HOOK3: variants seen among roughly 807,000 people sequenced by gnomAD.
HOOK3 encodes hook microtubule tethering protein 3.
In HOOK3, 24 loss-of-function variants were observed where a neutral mutation model predicts 116.3. The ratio of observed to expected loss-of-function variants is 0.21; its 90% CI spans 0.15 to 0.29. The LOEUF is 0.29. Ranked by LOEUF, HOOK3 falls within the 10% of genes least tolerant of loss-of-function variation. The probability of loss-of-function intolerance (pLI) is 1.00; values close to 1 mark genes in which losing one functional copy is unlikely to be tolerated. For missense variants in HOOK3, 632 were observed against 830.2 expected, an observed-to-expected ratio of 0.76 and a Z score of 2.93; for synonymous variants, 275 against 283.0, an observed-to-expected ratio of 0.97 and a Z score of 0.28.
At chr8:43,017,758 G>A (rs530611057) in intron 21 of HOOK3, among the ~76,000 whole-genome samples, 2 of 152,274 alleles carry the variant, frequency 1.3e-5, no homozygotes, top group South Asian at 4.1e-4. Context: ...TCCAGCAGTT[G>A]CCTCCTCTCC....
At chr8:42,953,128 A>C (rs1326810719) in intron 6 of HOOK3, among the ~76,000 whole-genome samples, 1 of 152,160 alleles carries the variant, frequency 6.6e-6, no homozygotes, top group Non-Finnish European at 1.5e-5. Flanking sequence ...TATTCTAGAT[A>C]GTCATGGACC....
intron 6 of HOOK3, among the ~76,000 whole-genome samples, chr8:42,955,899 C>A (rs994484708): frequency 6.6e-6 from 1 of 152,120 alleles, no homozygotes; most frequent in Non-Finnish European, 1.5e-5. Context: ...GGTCTTGTTA[C>A]ATCGCCCAGG....
intron 13 of HOOK3, among the ~76,000 whole-genome samples, chr8:42,980,840 C>T (rs184846519): frequency 6.6e-6 from 1 of 151,800 alleles, no homozygotes; most frequent in Non-Finnish European, 1.5e-5. Flanking sequence ...GCCGAGATCG[C>T]GCCACTGCAC....
intron 8 of HOOK3, among the ~76,000 whole-genome samples, chr8:42,962,058 A>G (rs1586611302): frequency 1.3e-5 from 2 of 151,626 alleles, no homozygotes; most frequent in South Asian, 2.1e-4. Context: ...AAGTGCTGGG[A>G]TTACAGGTGT....
chr8:42,993,850 G>A (rs888068462), intron 15 of HOOK3, among the ~76,000 whole-genome samples: 15 of 151,632 alleles, frequency 9.9e-5, no homozygotes, highest in African/African-American at 2.9e-4. Context: ...GTAATGTCTC[G>A]TTTTTTTGTC....
At chr8:43,004,143 A>C (rs1194585527) in intron 17 of HOOK3, among the ~76,000 whole-genome samples, 1 of 149,832 alleles carries the variant, frequency 6.7e-6, no homozygotes, top group Admixed American at 6.7e-5. Flanking sequence ...CAAGCAGGTC[A>C]ATCACTTGAG....
At chr8:42,946,963 T>G (rs11995810) in intron 5 of HOOK3, among the ~76,000 whole-genome samples, 7,153 of 151,774 alleles carry the variant, frequency 0.047, 337 homozygotes, top group African/African-American at 0.12. Flanking sequence ...TAGAGACGGG[T>G]TTTTACCATG....
At chr8:42,968,891 T>G (rs1808678886) in intron 11 of HOOK3, among the ~76,000 whole-genome samples, 1 of 152,200 alleles carries the variant, frequency 6.6e-6, no homozygotes, top group Non-Finnish European at 1.5e-5. Context: ...TTGCTACATA[T>G]ATATATTTAT....
At chr8:43,007,548 A>G (rs1171919530) in intron 17 of HOOK3, among the ~76,000 whole-genome samples, 1 of 152,164 alleles carries the variant, frequency 6.6e-6, no homozygotes, top group Non-Finnish European at 1.5e-5. Context: ...TTGCAACAAG[A>G]TTTTGCATGG....
rs966192539 is a variant in HOOK3 at position 43,029,590 on chromosome 8, G to A, written c.*11092G>A. 1.0e-5 allele frequency: 2 copies of A among 191,744 alleles called. No homozygotes were observed. The highest frequency in any genetic ancestry group is 2.3e-5 in the African/African-American group (1 of 42,952). 11.9% of individuals were successfully genotyped at this position (191,744 alleles called of 1,614,324 possible). A position where few individuals can be genotyped will look rare whatever the true frequency, so the allele number is the denominator to read the frequency against. ...AGAAAATAATTTCTAGGCTTATCTT[G>A]TTTTGCAGTTTTCATGTTTTGACAA... On this transcript the variant is annotated 3_prime_UTR_variant, in exon 22 of 22. Coordinates refer to ENST00000307602, the MANE Select transcript of HOOK3 (RefSeq NM_032410.4).
At chr8:43,006,026 TTTTA>T (rs1239965181) in intron 17 of HOOK3, among the ~76,000 whole-genome samples, 2 of 145,522 alleles carry the variant, frequency 1.4e-5, no homozygotes, top group South Asian at 2.2e-4. Context: ...ATTTATTTAT[TTTTA>T]TTTATTTTGA....
At chr8:42,909,060 G>A (rs1807370455) in intron 2 of HOOK3, among the ~76,000 whole-genome samples, 1 of 152,200 alleles carries the variant, frequency 6.6e-6, no homozygotes, top group Admixed American at 6.5e-5. Flanking sequence ...ATGAAAAAAT[G>A]CTCATCACTG....
At position 42,925,622 on chromosome 8, in the gene HOOK3, G is replaced by C. The variant is rs1457885431; in HGVS notation, c.209G>C (p.Arg70Thr). ...AAAACTGAAGTAGGAGATAATTGGA[G>C]GCTAAAGGTATTTTATTTTTCCACC... Reference protein sequence around the residue: ...RIKTEVGDNWRLKISNLKKIL... With the variant: ...RIKTEVGDNWTLKISNLKKIL... The change falls in exon 3 of 22, where the codon AGG becomes ACG. Residue 70 changes from arginine to threonine, a missense_variant. Physicochemically the swap from Arg to Thr is moderately conservative, Grantham distance 71. Coordinates refer to ENST00000307602, the MANE Select transcript of HOOK3 (RefSeq NM_032410.4). 1 of 1,586,872 alleles carries C rather than the reference G, an allele frequency of 6.3e-7. No individual in the cohort carries two copies. The highest frequency in any genetic ancestry group is 1.7e-5 in the Admixed American group (1 of 58,592).
rs776655693 is a variant in HOOK3, at chr8:42,997,701, T to G, written c.1620+64T>G. The stretch of plus-strand genomic sequence containing the variant: ...CACAATGTTGAGAAATAACTTTTAT[T>G]TTTTATTTGATGTTTTTTGTCAAAA... On this transcript the variant is annotated intron_variant, in intron 16 of 21. Transcript: ENST00000307602. 6.6e-6 allele frequency: 6 copies of G among 903,654 alleles called. No homozygotes were observed. In the South Asian group the frequency reaches 8.3e-5, roughly 13 times the overall value. The allele number at this position is 903,654 out of a possible 1,614,324, so 56.0% of individuals were successfully genotyped here.
chr8:42,934,248 AT>A (rs1464106908), intron 4 of HOOK3, among the ~76,000 whole-genome samples: 1 of 151,158 alleles, frequency 6.6e-6, no homozygotes, highest in African/African-American at 2.4e-5. Flanking sequence ...TGCCTGTTGA[AT>A]TTTTTCATTT....
At chr8:42,982,514 T>C in intron 13 of HOOK3, 113 bp from the exon 14 acceptor site, 1 of 717,744 alleles carries the variant, frequency 1.4e-6, no homozygotes, top group Non-Finnish European at 2.5e-6. Flanking sequence ...ACGTGGTCCT[T>C]TACTTGAAAA....
chr8:42,973,115 A>G (rs180731266), intron 11 of HOOK3, among the ~76,000 whole-genome samples, 174 bp from the exon 12 acceptor site: 198 of 152,354 alleles, frequency 1.3e-3, no homozygotes, highest in African/African-American at 3.9e-3. Flanking sequence ...TTGGGACCGA[A>G]TAGTAACCGG....
At chr8:42,953,382 A>G (rs1235181919) in intron 6 of HOOK3, among the ~76,000 whole-genome samples, 1 of 151,854 alleles carries the variant, frequency 6.6e-6, no homozygotes, top group African/African-American at 2.4e-5. Flanking sequence ...TGACCAACAC[A>G]GTGAAACCCT....
chr8:43,027,429 A>G lies in HOOK3; in HGVS notation c.*8931A>G. 1 of 466,424 alleles carries G rather than the reference A, an allele frequency of 2.1e-6. No homozygotes were observed. Among genetic ancestry groups the G allele is most frequent in the Admixed American group, 2.7e-5 (1 of 36,684 alleles). The allele number at this position is 466,424 out of a possible 1,614,324, so 28.9% of individuals were successfully genotyped here. A position where few individuals can be genotyped will look rare whatever the true frequency, so the allele number is the denominator to read the frequency against. The stretch of plus-strand genomic sequence containing the variant: ...ATTCTGTCATTTGTTCTGTTTGTAG[A>G]TGAGAGACATGCTTTTAAAGTACAA... On this transcript the variant is annotated 3_prime_UTR_variant, in exon 22 of 22. Coordinates refer to ENST00000307602, the MANE Select transcript of HOOK3 (RefSeq NM_032410.4).
Sources: allele counts gnomAD v4.1 joint callset (sites outside exome capture counted in the v4.1 genomes callset), GRCh38; gene constraint gnomAD v4.1.1; transcripts MANE v1.5; gene names NCBI Gene and HGNC (gene_info 2026-07-23, HGNC 2026-07-21).